The following BMPR2 variants were observed in gnomAD, a reference collection of about 807,000 sequenced individuals.
The protein encoded by BMPR2 is bone morphogenetic protein receptor type 2, also known as bone morphogenetic protein receptor type-2.
A neutral mutation model predicts 100.8 loss-of-function variants in BMPR2; 29 were observed. The ratio of observed to expected loss-of-function variants is 0.29; its 90% confidence interval spans 0.21 to 0.39. The LOEUF (loss-of-function observed/expected upper bound fraction) is 0.39, where lower values mean the gene tolerates loss of function less well. BMPR2 is among the 10% of genes least tolerant of loss of function. BMPR2 has a pLI of 1.00. For missense variants in BMPR2, 1,011 were observed against 1,274.5 expected (o/e 0.79, Z 3.15); for synonymous variants, 382 against 442.3 (o/e 0.86, Z 1.71).
intron 1 of BMPR2, among the ~76,000 whole-genome samples, chr2:202,400,797 G>C (rs1310099799): frequency 6.6e-6 from 1 of 151,880 alleles, no homozygotes; most frequent in Non-Finnish European, 1.5e-5. Flanking sequence ...TTTTAATTTA[G>C]CTACTAATTG....
rs1012414051 is a variant in BMPR2, at chr2:202,431,094, A to G, written c.77-33715A>G. On this transcript the variant is annotated intron_variant, in intron 1 of 12. Transcript: ENST00000374580. ...TTTCCTCAGCTGTTAAACAACTTCAATCTGCTAAAATATGCTACTTCATTA... is the reference window on the plus strand; with the variant it reads ...TTTCCTCAGCTGTTAAACAACTTCAGTCTGCTAAAATATGCTACTTCATTA... Among the ~76,000 whole-genome samples, 18 of 150,796 alleles carry G rather than the reference A, an allele frequency of 1.2e-4. 1 individual carries two copies. The highest frequency in any genetic ancestry group is 3.5e-4 in the African/African-American group (14 of 40,102).
intron 9 of BMPR2, among the ~76,000 whole-genome samples, chr2:202,534,195 CACAT>C (rs1688080710): frequency 6.8e-6 from 1 of 146,550 alleles, no homozygotes; most frequent in African/African-American, 2.5e-5. Flanking sequence ...CACACACACA[CACAT>C]ATATATGTAT....
intron 7 of BMPR2, among the ~76,000 whole-genome samples, chr2:202,527,802 A>G (rs1687946161): frequency 6.6e-6 from 1 of 151,946 alleles, no homozygotes; most frequent in Non-Finnish European, 1.5e-5. Context: ...TCAAAAAAAA[A>G]TAATAATAAA....
intron 10 of BMPR2, among the ~76,000 whole-genome samples, chr2:202,550,947 CTTTTTTTTTTTTT>C (rs34364158): frequency 2.9e-5 from 2 of 68,342 alleles, no homozygotes; most frequent in African/African-American, 1.3e-4. Context: ...AGCATATCAG[CTTTTTTTTTTTTT>C]TTTTTTTTTT....
intron 1 of BMPR2, among the ~76,000 whole-genome samples, chr2:202,434,837 T>C (rs1691572597): frequency 1.7e-5 from 2 of 116,766 alleles, no homozygotes; most frequent in African/African-American, 7.4e-5. Flanking sequence ...TTGCCCAGTC[T>C]GGGCTCAAAC....
chr2:202,422,154 G>A (rs550449465), intron 1 of BMPR2, among the ~76,000 whole-genome samples: 8 of 152,256 alleles, frequency 5.3e-5, no homozygotes, highest in Non-Finnish European at 1.0e-4. Flanking sequence ...TGATCTGCCC[G>A]CGTCGGCCTC....
intron 3 of BMPR2, among the ~76,000 whole-genome samples, chr2:202,481,066 T>C (rs1456197779): frequency 1.3e-5 from 2 of 152,120 alleles, no homozygotes; most frequent in Non-Finnish European, 2.9e-5. Context: ...TTGATCCTTA[T>C]GCCAGGACCA....
At chr2:202,400,603 C>G (rs1317138156) in intron 1 of BMPR2, among the ~76,000 whole-genome samples, 1 of 152,094 alleles carries the variant, frequency 6.6e-6, no homozygotes, top group Non-Finnish European at 1.5e-5. Flanking sequence ...TAATAGCACA[C>G]ATTGCTGTTT....
At chr2:202,544,108 C>T (rs896286419) in intron 10 of BMPR2, among the ~76,000 whole-genome samples, 2 of 151,988 alleles carry the variant, frequency 1.3e-5, no homozygotes, top group African/African-American at 2.4e-5. Flanking sequence ...TGCCACTGCA[C>T]TCCAGCCTGG....
chr2:202,417,523 AAAC>A (rs1691159332), intron 1 of BMPR2, among the ~76,000 whole-genome samples: 1 of 150,960 alleles, frequency 6.6e-6, no homozygotes, highest in South Asian at 2.1e-4. Context: ...GGCTGGTCTC[AAAC>A]TCCCGACCTC....
intron 3 of BMPR2, among the ~76,000 whole-genome samples, chr2:202,492,716 A>C (rs1692930195): frequency 6.7e-6 from 1 of 149,284 alleles, no homozygotes; most frequent in African/African-American, 2.5e-5. Context: ...AAAAAAAAAA[A>C]AAAAAAACCA....
intron 1 of BMPR2, among the ~76,000 whole-genome samples, chr2:202,411,212 T>A (rs763167798): frequency 1.2e-4 from 19 of 152,202 alleles, no homozygotes; most frequent in Non-Finnish European, 2.6e-4. Flanking sequence ...GAAATCTGGA[T>A]ATACCACTCT....
chr2:202,392,193 C>G (rs1042096387), intron 1 of BMPR2, among the ~76,000 whole-genome samples: 4 of 152,078 alleles, frequency 2.6e-5, no homozygotes, highest in African/African-American at 9.7e-5. Context: ...GCCTCTGCCT[C>G]CCAAGTAGCT....
chr2:202,505,854 C>T (rs971728911), intron 3 of BMPR2, among the ~76,000 whole-genome samples: 1 of 152,100 alleles, frequency 6.6e-6, no homozygotes, highest in Admixed American at 6.6e-5. Context: ...TACTTATTTC[C>T]TAACAACTGG....
At chr2:202,488,353 A>G (rs1009295638) in intron 3 of BMPR2, among the ~76,000 whole-genome samples, 2 of 152,180 alleles carry the variant, frequency 1.3e-5, no homozygotes, top group African/African-American at 4.8e-5. Flanking sequence ...AGGTGTTTAT[A>G]TGTATATTCT....
intron 1 of BMPR2, among the ~76,000 whole-genome samples, chr2:202,423,476 C>A (rs998909353): frequency 6.6e-6 from 1 of 152,190 alleles, no homozygotes; most frequent in Non-Finnish European, 1.5e-5. Flanking sequence ...ATTGGCCAGG[C>A]ACTGTGGCAC....
At chr2:202,493,226 A>G (rs1375588279) in intron 3 of BMPR2, among the ~76,000 whole-genome samples, 1 of 152,124 alleles carries the variant, frequency 6.6e-6, no homozygotes, top group Admixed American at 6.5e-5. Context: ...CCATTTTTCT[A>G]GTGGTAACTT....
At chr2:202,391,636 G>C (rs967940231) in intron 1 of BMPR2, among the ~76,000 whole-genome samples, 9 of 151,896 alleles carry the variant, frequency 5.9e-5, no homozygotes, top group Admixed American at 2.0e-4. Context: ...ACCCAGGCTG[G>C]AGTGCAGTGG....
chr2:202,392,565 G>A (rs962790105), intron 1 of BMPR2, among the ~76,000 whole-genome samples: 1 of 152,220 alleles, frequency 6.6e-6, no homozygotes, highest in Non-Finnish European at 1.5e-5. Context: ...GTAAGTAGGT[G>A]ACCAATATCA....
Sources: gnomAD v4.1 joint callset for allele counts (sites outside exome capture counted in the v4.1 genomes callset) on GRCh38, gnomAD v4.1.1 for gene constraint, MANE v1.5 for transcripts, NCBI Gene and HGNC (gene_info 2026-07-23, HGNC 2026-07-21) for gene names.